Variants in RAB11FIP2 observed in about 807,000 individuals in gnomAD.
RAB11FIP2 encodes rab11 family-interacting protein 2.
A neutral mutation model predicts 40.9 loss-of-function variants in RAB11FIP2; 16 were observed. That is an observed-to-expected ratio of 0.39 (90% CI 0.26 to 0.59). The LOEUF (loss-of-function observed/expected upper bound fraction) is 0.59. Among genes scored for constraint, RAB11FIP2 ranks in the 20% least tolerant of loss-of-function variants. RAB11FIP2 has a pLI of 0.53. For missense variants in RAB11FIP2, 532 were observed against 606.2 expected (o/e 0.88, Z 1.28); for synonymous variants, 228 against 213.7 (o/e 1.07, Z -0.58).
chr10:118,024,172 T>C (rs1846314289), intron 3 of RAB11FIP2, among the ~76,000 whole-genome samples: 1 of 152,000 alleles, frequency 6.6e-6, no homozygotes, highest in Non-Finnish European at 1.5e-5. Context: ...ATAAAGCCTA[T>C]GGATTCCAAA....
At position 118,006,832 on chromosome 10, in the gene RAB11FIP2, A is replaced by T. The variant is rs1184027828; in HGVS notation, c.*2166T>A. On this transcript the variant is annotated 3_prime_UTR_variant, in exon 5 of 5. Coordinates refer to ENST00000355624, the MANE Select transcript of RAB11FIP2 (RefSeq NM_014904.3). ...ATAACCAAATCACTCATGTATGAAT[A>T]AAGCTAAGCCTCAATAGCTTTTATA... The T allele has an allele frequency of 1.3e-5, 2 of 152,368 alleles. No homozygotes were observed. The highest frequency in any genetic ancestry group is 3.9e-4 in the East Asian group (2 of 5,186). 9.4% of individuals were successfully genotyped at this position (152,368 alleles called of 1,614,324 possible). A position where few individuals can be genotyped will look rare whatever the true frequency, so the allele number is the denominator to read the frequency against.
At chr10:118,011,657 G>A (rs1479388528) in intron 4 of RAB11FIP2, among the ~76,000 whole-genome samples, 1 of 152,042 alleles carries the variant, frequency 6.6e-6, no homozygotes, top group African/African-American at 2.4e-5. Context: ...TCTGATAGAT[G>A]AGATGTTCTC....
intron 3 of RAB11FIP2, among the ~76,000 whole-genome samples, chr10:118,018,969 C>A (rs1487663331): frequency 4.0e-5 from 6 of 149,800 alleles, no homozygotes; most frequent in Non-Finnish European, 5.9e-5. Flanking sequence ...AACAAGAATA[C>A]CTAAGGAGGA....
chr10:118,008,516 T>A lies in RAB11FIP2; in HGVS notation c.*482A>T, dbSNP rs1387346180. On this transcript the variant is annotated 3_prime_UTR_variant, in exon 5 of 5. Transcript: ENST00000355624. The stretch of plus-strand genomic sequence containing the variant: ...ATTTTATATACAAGATACATGAATA[T>A]ATATATATTCATGTACATATGTGTA... 1 of 160,576 alleles carries A rather than the reference T, an allele frequency of 6.2e-6. No homozygotes were observed. The highest frequency in any genetic ancestry group is 1.4e-5 in the Non-Finnish European group (1 of 71,990). 9.9% of individuals were successfully genotyped at this position (160,576 alleles called of 1,614,324 possible).
At chr10:118,034,166 A>G (rs1846452017) in intron 3 of RAB11FIP2, 1 of 643,242 alleles carries the variant, frequency 1.6e-6, no homozygotes, top group African/African-American at 1.8e-5. Flanking sequence ...AAAACTTTAC[A>G]AAAACTGGCA....
Position 118,040,391 on chromosome 10 carries a change from A to G in RAB11FIP2, c.528T>C (p.Asn176=), listed in dbSNP as rs1305023455. The change falls in exon 2 of 5, where the codon AAT becomes AAC. Residue 176 remains asparagine, a synonymous_variant. Transcript: ENST00000355624. ...KLKDKMKGRK[N]DGTFSDTSSA... is the part of the protein sequence containing the mutation. ...AAGACGTATCAGAAAATGTTCCATC[A>G]TTTTTTCTACCCTTCATCTTATCTT... is the stretch of plus-strand genomic sequence containing the variant. 3.7e-6 allele frequency: 6 copies of G among 1,613,840 alleles called. No individual in the cohort carries two copies. Among genetic ancestry groups the G allele is most frequent in the Non-Finnish European group, 5.1e-6 (6 of 1,179,806 alleles).
At chr10:118,040,641 C>G (rs1044373444) in intron 1 of RAB11FIP2, 76 bp from the exon 2 acceptor site, 14 of 1,077,750 alleles carry the variant, frequency 1.3e-5, no homozygotes, top group Non-Finnish European at 1.7e-5. Flanking sequence ...ATACAAATAG[C>G]CTTTTAGGTA....
At chr10:118,028,649 C>G (rs1846374057) in intron 3 of RAB11FIP2, among the ~76,000 whole-genome samples, 1 of 152,026 alleles carries the variant, frequency 6.6e-6, no homozygotes, top group Admixed American at 6.6e-5. Flanking sequence ...TGGAAATGTT[C>G]TAAACATAGA....
intron 3 of RAB11FIP2, among the ~76,000 whole-genome samples, chr10:118,033,118 G>A (rs1185742961): frequency 2.0e-5 from 3 of 152,056 alleles, no homozygotes; most frequent in African/African-American, 7.2e-5. Flanking sequence ...ACTGTGCCTG[G>A]TTTCAGGAAT....
At chr10:118,029,168 G>C (rs1846382327) in intron 3 of RAB11FIP2, among the ~76,000 whole-genome samples, 3 of 152,000 alleles carry the variant, frequency 2.0e-5, no homozygotes, top group Admixed American at 2.0e-4. Context: ...GACACCAGCT[G>C]AAAACATACC....
chr10:118,019,665 T>C (rs747233686), intron 3 of RAB11FIP2, among the ~76,000 whole-genome samples: 60 of 151,182 alleles, frequency 4.0e-4, no homozygotes, highest in Non-Finnish European at 8.0e-4. Context: ...CTACTAAAAA[T>C]ACAAAAAAAA....
chr10:118,014,645 T>G (rs959817210), intron 4 of RAB11FIP2, among the ~76,000 whole-genome samples: 1 of 152,184 alleles, frequency 6.6e-6, no homozygotes, highest in African/African-American at 2.4e-5. Context: ...CCTGCCAGGA[T>G]GCTTTTCTAT....
At chr10:118,025,882 T>C (rs74161139) in intron 3 of RAB11FIP2, among the ~76,000 whole-genome samples, 3,555 of 152,300 alleles carry the variant, frequency 0.023, 135 homozygotes, top group African/African-American at 0.081. Context: ...CCATCTAATC[T>C]ATAATTTTTA....
chr10:118,014,409 T>C (rs1373928720), intron 4 of RAB11FIP2, among the ~76,000 whole-genome samples: 1 of 152,166 alleles, frequency 6.6e-6, no homozygotes, highest in African/African-American at 2.4e-5. Flanking sequence ...ACGTTTAATA[T>C]AGTTAGAATT....
At chr10:118,038,062 T>C (rs752312233) in intron 3 of RAB11FIP2, among the ~76,000 whole-genome samples, 34 of 151,908 alleles carry the variant, frequency 2.2e-4, no homozygotes, top group Admixed American at 6.6e-4. Context: ...TTTCACTCCA[T>C]GGTTGATTGA....
chr10:118,012,200 C>A (rs368591237), intron 4 of RAB11FIP2, among the ~76,000 whole-genome samples: 1 of 151,824 alleles, frequency 6.6e-6, no homozygotes, highest in Non-Finnish European at 1.5e-5. Flanking sequence ...CTCTAGAATA[C>A]ACAGATATGT....
intron 1 of RAB11FIP2, among the ~76,000 whole-genome samples, chr10:118,041,485 T>C (rs935279435): frequency 6.6e-6 from 1 of 152,146 alleles, no homozygotes; most frequent in Non-Finnish European, 1.5e-5. Flanking sequence ...CAAGTGGTCA[T>C]TCTATGGGAA....
chr10:118,034,625 G>C (rs1044279620), intron 3 of RAB11FIP2, among the ~76,000 whole-genome samples: 1 of 152,082 alleles, frequency 6.6e-6, no homozygotes, highest in African/African-American at 2.4e-5. Flanking sequence ...TGATAAATTA[G>C]TTGACAATTT....
In RAB11FIP2 at chr10:118,039,052, A is replaced by G. The variant is rs1292713592; in HGVS notation, c.1185T>C (p.Asn395=). ...ACTCATAATCAAAATAGTCCTGGCGATTTTCACTAAATGCATTAGGTGATT... is the reference window on the plus strand; with the variant it reads ...ACTCATAATCAAAATAGTCCTGGCGGTTTTCACTAAATGCATTAGGTGATT... ...DLKSPNAFSE[N]RQDYFDYEST... is the part of the protein sequence containing the mutation. The change falls in exon 3 of 5, where the codon AAT becomes AAC. Residue 395 remains asparagine (N), a synonymous_variant. Coordinates refer to ENST00000355624, the MANE Select transcript of RAB11FIP2 (RefSeq NM_014904.3). 2 of 1,613,152 alleles carry G rather than the reference A, an allele frequency of 1.2e-6. No homozygotes were observed. Among genetic ancestry groups the G allele is most frequent in the Admixed American group, 1.7e-5 (1 of 59,890 alleles).
Sources: gnomAD v4.1 joint callset for allele counts (sites outside exome capture counted in the v4.1 genomes callset) on GRCh38, gnomAD v4.1.1 for gene constraint, MANE v1.5 for transcripts, NCBI Gene and HGNC (gene_info 2026-07-23, HGNC 2026-07-21) for gene names.